Variants in ANO9 observed in about 807,000 individuals in gnomAD.
The protein encoded by ANO9 is anoctamin-9.
In ANO9, 80 loss-of-function variants were observed where a neutral mutation model predicts 100.5. That is an observed-to-expected ratio of 0.80 (90% confidence interval 0.66 to 0.96). The LOEUF (loss-of-function observed/expected upper bound fraction) is 0.96, where lower values mean the gene tolerates loss of function less well. ANO9 is among the 40% of genes least tolerant of loss of function. ANO9 has a pLI of 0.00. For missense variants in ANO9, 1,064 were observed against 1,072.7 expected, an observed-to-expected ratio of 0.99 and a Z score of 0.11; for synonymous variants, 473 against 435.6, an observed-to-expected ratio of 1.09 and a Z score of -1.07.
Position 421,307 on chromosome 11 carries a change from G to T in ANO9, c.1335-109C>A. 1.6e-6 allele frequency: 2 copies of T among 1,230,310 alleles called. No homozygotes were observed. The highest frequency in any genetic ancestry group is 2.2e-6 in the Non-Finnish European group (2 of 917,012). 76.2% of individuals were successfully genotyped at this position (1,230,310 alleles called of 1,614,324 possible). On this transcript the variant is annotated intron_variant, in intron 15 of 22. Coordinates refer to ENST00000332826, the MANE Select transcript of ANO9 (RefSeq NM_001012302.3). The surrounding 1 kb of genome is among the most constrained non-coding windows in gnomAD (Gnocchi z 6.8). ...GAAAGACACAGAACAGGCGGGGCAG[G>T]CCCTGCAGGTGAGCGGGGCACAGGT... is the stretch of plus-strand genomic sequence containing the variant.
At position 418,358 on chromosome 11, in the gene ANO9, A is replaced by G; in HGVS notation, c.*13T>C. ...TGTCTCAGCTCCTGGTGGCCTCTGG[A>G]CGGGCTCTGGCCCTACACGTCTGTG... On this transcript the variant is annotated 3_prime_UTR_variant, in exon 23 of 23. Coordinates refer to ENST00000332826, the MANE Select transcript of ANO9 (RefSeq NM_001012302.3). The G allele has an allele frequency of 6.3e-7, 1 of 1,583,860 alleles. No individual in the cohort carries two copies. Among genetic ancestry groups the G allele is most frequent in the Non-Finnish European group, 8.6e-7 (1 of 1,165,628 alleles).
In ANO9 at chr11:430,304, C is replaced by G; in HGVS notation, c.639G>C (p.Leu213=). Residue 213 remains leucine, a synonymous_variant, in exon 8 of 23, where the codon CTG becomes CTC. Transcript: ENST00000332826. The stretch of plus-strand genomic sequence containing the variant: ...TGGCCTCAAACAGCGAGAATCCGCT[C>G]AGAAAGACTAAGAGGCCCGTCAGGG... The part of the protein sequence containing the change: ...PAALTGLLVF[L]SGFSLFEASQ... 2 of 1,602,756 alleles carry G rather than the reference C, an allele frequency of 1.2e-6. No homozygotes were observed. Among genetic ancestry groups the G allele is most frequent in the Non-Finnish European group, 1.7e-6 (2 of 1,175,608 alleles).
chr11:434,532 A>G (rs1407137604), intron 1 of ANO9, among the ~76,000 whole-genome samples: 1 of 152,066 alleles, frequency 6.6e-6, no homozygotes, highest in Non-Finnish European at 1.5e-5. Flanking sequence ...GGGTTTGGAA[A>G]CCTGTTGGAC....
In ANO9 at chr11:428,072, C is replaced by A. The variant is rs1267779893; in HGVS notation, c.1334+16G>T. On this transcript the variant is annotated intron_variant, in intron 15 of 22. Transcript: ENST00000332826. ...CCTCGTGAGTTGGGTTGGAGGGAGCCTGGCGCCGGCCCTACCTGCCCAGGA... is the reference window on the plus strand; with the variant it reads ...CCTCGTGAGTTGGGTTGGAGGGAGCATGGCGCCGGCCCTACCTGCCCAGGA... 5 of 1,572,880 alleles carry A rather than the reference C, an allele frequency of 3.2e-6. 1 individual carries two copies. The Middle Eastern group carries it at 6.7e-4, about 210-fold the overall frequency.
chr11:433,452 C>T lies in ANO9; in HGVS notation c.212G>A (p.Arg71Gln), dbSNP rs769428721. 116 of 1,613,054 alleles carry T rather than the reference C, an allele frequency of 7.2e-5. No homozygotes were observed. Among genetic ancestry groups the T allele is most frequent in the Non-Finnish European group, 9.2e-5 (109 of 1,179,864 alleles). ...CCCAAAGAAGACCTGTTTCTGGTCCCGGATCACCTGGGGGCACATGGGATC... is the reference window on the plus strand; with the variant it reads ...CCCAAAGAAGACCTGTTTCTGGTCCTGGATCACCTGGGGGCACATGGGATC... ...RRKGFHIKVIRDQKQVFFGIR... is the reference protein window; with the variant it reads ...RRKGFHIKVIQDQKQVFFGIR... Residue 71 changes from arginine (R) to glutamine (Q), a missense_variant, in exon 4 of 23, where the codon CGG (arginine) becomes CAG (glutamine). Arg to Gln is a conservative substitution (Grantham distance 43, BLOSUM62 1). Coordinates refer to ENST00000332826, the MANE Select transcript of ANO9 (RefSeq NM_001012302.3).
rs538999139 is a variant in ANO9 at position 423,663 on chromosome 11, A to G, written c.1335-2465T>C. 1.6e-4 allele frequency among the ~76,000 whole-genome samples: 25 copies of G among 151,864 alleles called. No homozygotes were observed. The East Asian group carries it at 3.9e-3, about 24-fold the overall frequency. On this transcript the variant is annotated intron_variant, in intron 15 of 22. Coordinates refer to ENST00000332826, the MANE Select transcript of ANO9 (RefSeq NM_001012302.3). ...GCTAGGACTACAGGCCCAAACCACC[A>G]CGCCCAACTAATTTTCTATTTTTTG...
At chr11:434,329 T>C (rs1849283897) in intron 1 of ANO9, among the ~76,000 whole-genome samples, 1 of 151,810 alleles carries the variant, frequency 6.6e-6, no homozygotes, top group South Asian at 2.1e-4. Context: ...CTCCTACAAA[T>C]GCAAAAGGGA....
At chr11:433,698 T>G (rs2133706093) in intron 3 of ANO9, 117 bp downstream of exon 3, 1 of 1,450,276 alleles carries the variant, frequency 6.9e-7, no homozygotes, top group African/African-American at 1.4e-5. Flanking sequence ...CGTGCCGCCA[T>G]GACCGGCCCC....
intron 11 of ANO9, 163 bp downstream of exon 11, chr11:429,407 A>C: frequency 1.4e-6 from 2 of 1,449,246 alleles, no homozygotes; most frequent in Non-Finnish European, 9.1e-7. Context: ...ACACAGGGAC[A>C]CGCCTCACAG....
chr11:427,541 GGGTAACAC>G (rs1484556112), intron 15 of ANO9, among the ~76,000 whole-genome samples: 1 of 151,700 alleles, frequency 6.6e-6, no homozygotes, highest in Admixed American at 6.6e-5. Flanking sequence ...AAACCAGCCT[GGGTAACAC>G]GGTGAGACCC....
intron 15 of ANO9, among the ~76,000 whole-genome samples, chr11:426,097 G>A (rs1848506705): frequency 6.6e-6 from 1 of 152,112 alleles, no homozygotes; most frequent in Non-Finnish European, 1.5e-5. Flanking sequence ...AGCTCAAGAT[G>A]GAACATATAG....
intron 4 of ANO9, chr11:433,055 T>C: frequency 2.0e-6 from 1 of 492,064 alleles, no homozygotes; most frequent in Non-Finnish European, 3.5e-6. Context: ...GCTGTGACTG[T>C]GTCCCCAGGA....
chr11:435,693 AG>A (rs1197697991), intron 1 of ANO9, among the ~76,000 whole-genome samples: 9 of 151,854 alleles, frequency 5.9e-5, no homozygotes. Context: ...GGTCTAGTCT[AG>A]TCTAGTCTAG....
In ANO9 at chr11:419,009, G is replaced by T; in HGVS notation, c.1935-20C>A. The T allele has an allele frequency of 6.2e-7, 1 of 1,612,388 alleles. No homozygotes were observed. ...AGGCAGCTGGGGAGAGGGGAGAGGA[G>T]TGTGGGGTGGGGTGGGCTTCCAGGG... On this transcript the variant is annotated intron_variant, in intron 20 of 22. Coordinates refer to ENST00000332826, the MANE Select transcript of ANO9 (RefSeq NM_001012302.3).
chr11:439,491 C>T (rs567059121), intron 1 of ANO9, among the ~76,000 whole-genome samples: 112 of 113,764 alleles, frequency 9.8e-4, no homozygotes, highest in African/African-American at 2.0e-3. Context: ...GGTCCCATGA[C>T]GCACATCCCC....
rs1848456056 is a variant in ANO9 at position 425,474 on chromosome 11, G to A, written c.1334+2614C>T. Among the ~76,000 whole-genome samples, 5 of 150,422 alleles carry A rather than the reference G, an allele frequency of 3.3e-5. No homozygotes were observed. The South Asian group carries it at 1.0e-3, about 32-fold the overall frequency. On this transcript the variant is annotated intron_variant, in intron 15 of 22. Coordinates refer to ENST00000332826, the MANE Select transcript of ANO9 (RefSeq NM_001012302.3). ...ACAACAAAAGATAAAGAAACTCCAG[G>A]AAAAACAAAGAGCTGTACAATAAAT...
intron 19 of ANO9, chr11:420,150 T>G: frequency 3.2e-5 from 44 of 1,356,968 alleles, no homozygotes; most frequent in Non-Finnish European, 4.2e-5. Context: ...GTGGCCAGTC[T>G]TGGGACAGAG....
rs532987552 is a variant in ANO9, at chr11:430,367, G to A, written c.576C>T (p.Val192=). ...GCATGTAGGTGTACCAGCCCAGCCA[G>A]ACGAAGTACAGGGCCACCTTTTCCC... is the stretch of plus-strand genomic sequence containing the variant. ...YFGEKVALYF[V]WLGWYTYMLV... Residue 192 remains valine, a synonymous_variant, in exon 8 of 23, where the codon GTC becomes GTT. Coordinates refer to ENST00000332826, the MANE Select transcript of ANO9 (RefSeq NM_001012302.3). 6.2e-7 allele frequency: 1 copy of A among 1,607,222 alleles called. No individual in the cohort carries two copies. The highest frequency in any genetic ancestry group is 2.2e-5 in the East Asian group (1 of 44,578).
chr11:441,845 G>C (rs1236948707), intron 1 of ANO9, 76 bp downstream of exon 1: 16 of 1,551,826 alleles, frequency 1.0e-5, no homozygotes, highest in African/African-American at 6.8e-5. Flanking sequence ...CTGGCGGGGG[G>C]CTGGGGCCGG....
Sources: allele counts gnomAD v4.1 joint callset (sites outside exome capture counted in the v4.1 genomes callset), GRCh38; gene constraint gnomAD v4.1.1; non-coding constraint Gnocchi (gnomAD v3.1); transcripts MANE v1.5; gene names NCBI Gene and HGNC (gene_info 2026-07-23, HGNC 2026-07-21).